The following INTS1 variants were observed in gnomAD, a reference collection of about 807,000 sequenced individuals.
INTS1 encodes integrator complex subunit 1.
INTS1 carries 137 observed loss-of-function variants against 241.6 expected under a neutral mutation model. The observed-to-expected ratio is 0.57, with a 90% CI of 0.49 to 0.65. The LOEUF (loss-of-function observed/expected upper bound fraction) is 0.65. Ranked by LOEUF, INTS1 falls within the 30% of genes least tolerant of loss-of-function variation. The pLI is 0.00. For synonymous variants in INTS1, 1,692 were observed against 1,337.8 expected, an observed-to-expected ratio of 1.26 and a Z score of -5.78; for missense variants, 3,073 against 3,032.2, an observed-to-expected ratio of 1.01 and a Z score of -0.32.
intron 44 of INTS1, 35 bp downstream of exon 44, chr7:1,472,238 C>T: frequency 6.8e-7 from 1 of 1,475,986 alleles, no homozygotes; most frequent in East Asian, 2.5e-5. Flanking sequence ...ACCCAGGGCG[C>T]TGACCTGGCG....
intron 41 of INTS1, 76 bp from the exon 42 acceptor site, chr7:1,473,769 C>A: frequency 1.3e-6 from 2 of 1,574,988 alleles, no homozygotes; most frequent in Non-Finnish European, 1.7e-6. Context: ...CCATCTGCTC[C>A]CAGAGCCTCA....
At chr7:1,472,794 C>CTGGTAGA (rs1554273394) in intron 43 of INTS1, among the ~76,000 whole-genome samples, 3 of 96,036 alleles carry the variant, frequency 3.1e-5, no homozygotes, top group Admixed American at 1.6e-4. Context: ...CGGACAAGCA[C>CTGGTAGA]TGGTGGATGG....
intron 9 of INTS1, 47 bp from the exon 10 acceptor site, chr7:1,498,600 C>A (rs1360745096): frequency 1.3e-6 from 2 of 1,597,012 alleles, no homozygotes; most frequent in Non-Finnish European, 1.7e-6. Flanking sequence ...CGCCTGTGCC[C>A]CCACTCCGCC....
At position 1,480,312 on chromosome 7, in the gene INTS1, G is replaced by T; in HGVS notation, c.4074+5C>A. 1 of 1,603,536 alleles carries T rather than the reference G, an allele frequency of 6.2e-7. No individual in the cohort carries two copies. On this transcript the variant is annotated splice_donor_5th_base_variant and intron_variant, in intron 30 of 47. Coordinates refer to ENST00000404767, the MANE Select transcript of INTS1 (RefSeq NM_001080453.3). ...GTGGAGACCCACATGCAGCAGCAAC[G>T]CTACCTGGAGGAACATGCCAGCCAG...
chr7:1,481,121 T>G lies in INTS1; in HGVS notation c.3851-188A>C. 1 of 703,862 alleles carries G rather than the reference T, an allele frequency of 1.4e-6. No homozygotes were observed. The highest frequency in any genetic ancestry group is 2.5e-6 in the Non-Finnish European group (1 of 406,210). The allele number at this position is 703,862 out of a possible 1,614,324, so 43.6% of individuals were successfully genotyped here. ...TCCCTCCAAGCTCAAAACACGGCCC[T>G]AGGGGGTGCCTGGCCCCAGGGTTGG... On this transcript the variant is annotated intron_variant, in intron 28 of 47. Transcript: ENST00000404767. The surrounding 1 kb of genome is among the most constrained non-coding windows in gnomAD (Gnocchi z 6.8).
In INTS1 at chr7:1,497,427, G is replaced by A. The variant is rs1057334441; in HGVS notation, c.1426-113C>T. ...CCCGAGGGCGCTGCAGTGGGTCTCA[G>A]ACAGTGTGGGGTGCGGGGTGGCGGG... On this transcript the variant is annotated intron_variant, in intron 10 of 47. Coordinates refer to ENST00000404767, the MANE Select transcript of INTS1 (RefSeq NM_001080453.3). This position sits in a 1 kb window ranked among gnomAD's most constrained non-coding sequence, Gnocchi z 5.3. 6 of 1,154,800 alleles carry A rather than the reference G, an allele frequency of 5.2e-6. No homozygotes were observed. Among genetic ancestry groups the A allele is most frequent in the South Asian group, 3.2e-5 (2 of 62,078 alleles). 71.5% of individuals were successfully genotyped at this position (1,154,800 alleles called of 1,614,324 possible).
chr7:1,487,801 G>A lies in INTS1; in HGVS notation c.2475C>T (p.Ser825=). Reference sequence around the variant, plus strand: ...TGAGCTGCGACAGGAGGAGGCTGCTGCTCTCAGTGATGGTCTGCTTGGTGG... The same window carrying A: ...TGAGCTGCGACAGGAGGAGGCTGCTACTCTCAGTGATGGTCTGCTTGGTGG... ...AASTKQTITE[S]SSLLLSQLTS... Residue 825 remains serine, a synonymous_variant, in exon 19 of 48, where the codon AGC becomes AGT. Coordinates refer to ENST00000404767, the MANE Select transcript of INTS1 (RefSeq NM_001080453.3). 6.2e-7 allele frequency: 1 copy of A among 1,611,910 alleles called. No individual in the cohort carries two copies. Among genetic ancestry groups the A allele is most frequent in the Middle Eastern group, 1.7e-4 (1 of 6,060 alleles).
rs1270986429 is a variant in INTS1 at position 1,485,198 on chromosome 7, A to G, written c.3161T>C (p.Ile1054Thr). Residue 1054 changes from isoleucine to threonine, a missense_variant, in exon 24 of 48, where the codon ATC becomes ACC. Transcript: ENST00000404767. Reference sequence around the variant, plus strand: ...GGTCTGGGGATCAGTCTCCATGTGGATTGCCTGGAGGGGAGGGTGGTCTGA... The same window carrying G: ...GGTCTGGGGATCAGTCTCCATGTGGGTTGCCTGGAGGGGAGGGTGGTCTGA... ...STTALALQQA[I>T]HMETDPQTIS... 2 of 1,599,958 alleles carry G rather than the reference A, an allele frequency of 1.3e-6. No individual in the cohort carries two copies. Among genetic ancestry groups the G allele is most frequent in the Non-Finnish European group, 1.7e-6 (2 of 1,179,140 alleles).
At chr7:1,490,226 C>A (rs555760809) in intron 16 of INTS1, among the ~76,000 whole-genome samples, 1 of 152,226 alleles carries the variant, frequency 6.6e-6, no homozygotes. Flanking sequence ...AGAGAGCACG[C>A]GAGGCTCAAG....
At chr7:1,480,217 G>A in intron 30 of INTS1, 100 bp downstream of exon 30, 1 of 1,377,270 alleles carries the variant, frequency 7.3e-7, no homozygotes. Flanking sequence ...GGGTCAGGCG[G>A]TCACGCAAGT....
In INTS1 at chr7:1,487,784, G is replaced by T; in HGVS notation, c.2492C>A (p.Ser831Ter). ...TITESSSLLL[S>*]QLTSLDPQGP... ...CTGGGGGTCCAGGCTGGTGAGCTGC[G>T]ACAGGAGGAGGCTGCTGCTCTCAGT... The change falls in exon 19 of 48, where the codon TCG (serine) becomes TAG (stop). Residue 831 changes from serine (S) to a stop codon, truncating the protein, a stop_gained. Transcript: ENST00000404767. LOFTEE classifies it high-confidence loss of function. 1 of 1,610,254 alleles carries T rather than the reference G, an allele frequency of 6.2e-7. No homozygotes were observed. The highest frequency in any genetic ancestry group is 8.5e-7 in the Non-Finnish European group (1 of 1,179,800).
chr7:1,489,408 G>GGGAA lies in INTS1; in HGVS notation c.2258-8_2258-5dup. 1 of 1,015,534 alleles carries GGGAA rather than the reference G, an allele frequency of 9.8e-7. No homozygotes were observed. Among genetic ancestry groups the GGGAA allele is most frequent in the Non-Finnish European group, 1.2e-6 (1 of 851,200 alleles). The allele number at this position is 1,015,534 out of a possible 1,614,324, so 62.9% of individuals were successfully genotyped here. On this transcript the variant is annotated splice_region_variant and splice_polypyrimidine_tract_variant and intron_variant, in intron 17 of 47. Transcript: ENST00000404767. Reference sequence around the variant, plus strand: ...TACTCCTCCCACGCAGCCAGGCCTAGGGAACCGGAGGGTGTGGGGCTGGCC... The same window carrying GGGAA: ...TACTCCTCCCACGCAGCCAGGCCTAGGGAAGGAACCGGAGGGTGTGGGGCTGGCC...
At chr7:1,492,963 G>A (rs1372245543) in intron 16 of INTS1, 47 bp downstream of exon 16, 1 of 1,453,314 alleles carries the variant, frequency 6.9e-7, no homozygotes, top group Non-Finnish European at 9.6e-7. Flanking sequence ...TGGGGAGCGG[G>A]GCGCGGGCTT....
chr7:1,471,801 A>C, intron 44 of INTS1, 160 bp from the exon 45 acceptor site: 1 of 660,882 alleles, frequency 1.5e-6, no homozygotes, highest in Non-Finnish European at 2.6e-6. Flanking sequence ...CCTGCCCCCA[A>C]GCTCCACAAA....
At chr7:1,503,577 A>C (rs1426642440) in intron 2 of INTS1, among the ~76,000 whole-genome samples, 1 of 152,236 alleles carries the variant, frequency 6.6e-6, no homozygotes, top group Non-Finnish European at 1.5e-5. Flanking sequence ...CTGAGCCGAC[A>C]GTTCAGCCGC....
In INTS1 at chr7:1,476,293, C is replaced by T. The variant is rs1584261190; in HGVS notation, c.5314G>A (p.Asp1772Asn). 6.3e-7 allele frequency: 1 copy of T among 1,586,516 alleles called. No homozygotes were observed. The highest frequency in any genetic ancestry group is 8.6e-7 in the Non-Finnish European group (1 of 1,168,190). Residue 1772 changes from aspartate (D) to asparagine (N), a missense_variant, in exon 38 of 48, where the codon GAC becomes AAC. Coordinates refer to ENST00000404767, the MANE Select transcript of INTS1 (RefSeq NM_001080453.3). ...LPLLLSCCCG[D>N]DESVRKVTEH... ...GTCACCTTCCTGACACTCTCATCGT[C>T]CCCACAGCAGCAGCTGAGCAGCAGG...
chr7:1,487,104 G>A lies in INTS1; in HGVS notation c.2647-3C>T. On this transcript the variant is annotated splice_region_variant and splice_polypyrimidine_tract_variant and intron_variant, in intron 20 of 47. Coordinates refer to ENST00000404767, the MANE Select transcript of INTS1 (RefSeq NM_001080453.3). ...CAGGGCATGGACTGCGAGGAGGCCT[G>A]GGCAGGCGACAGTGGCGCCCGCTCA... 2 of 1,543,766 alleles carry A rather than the reference G, an allele frequency of 1.3e-6. No individual in the cohort carries two copies. Among genetic ancestry groups the A allele is most frequent in the Admixed American group, 2.0e-5 (1 of 51,184 alleles).
intron 18 of INTS1, among the ~76,000 whole-genome samples, 200 bp from the exon 19 acceptor site, chr7:1,488,157 G>A (rs573670628): frequency 4.8e-4 from 73 of 152,292 alleles, no homozygotes; most frequent in African/African-American, 1.4e-3. Flanking sequence ...GCCCAGAGGC[G>A]CGGTCCAGCC....
chr7:1,476,908 T>C lies in INTS1; in HGVS notation c.4949A>G (p.Gln1650Arg). The C allele has an allele frequency of 6.2e-7, 1 of 1,610,922 alleles. No homozygotes were observed. Among genetic ancestry groups the C allele is most frequent in the Non-Finnish European group, 8.5e-7 (1 of 1,179,388 alleles). Reference sequence around the variant, plus strand: ...GGGACGGAACGAGGGCACCTGGGCCTGACCTTTGCCCTGGGGAGGGAGGAA... The same window carrying C: ...GGGACGGAACGAGGGCACCTGGGCCCGACCTTTGCCCTGGGGAGGGAGGAA... ...LLFSRRKGKG[Q>R]AQVPSFRPYL... The change falls in exon 36 of 48, where the codon CAG becomes CGG. Residue 1650 changes from glutamine (Q) to arginine (R), a missense_variant. By Grantham distance (43) the Gln-to-Arg change is conservative. Coordinates refer to ENST00000404767, the MANE Select transcript of INTS1 (RefSeq NM_001080453.3).
Sources: allele counts gnomAD v4.1 joint callset (sites outside exome capture counted in the v4.1 genomes callset), GRCh38; gene constraint gnomAD v4.1.1; non-coding constraint Gnocchi (gnomAD v3.1); transcripts MANE v1.5; gene names NCBI Gene and HGNC (gene_info 2026-07-23, HGNC 2026-07-21).